Variants in ANO10 observed in about 807,000 individuals in gnomAD.
ANO10 encodes anoctamin-10.
In ANO10, 77 loss-of-function variants were observed where a neutral mutation model predicts 74.7. The ratio of observed to expected loss-of-function variants is 1.03; its 90% CI spans 0.86 to 1.25. The LOEUF is 1.25. ANO10 is among the 50% of genes most tolerant of loss of function. The pLI, the probability that ANO10 is intolerant of heterozygous loss-of-function variation, is 0.00. For synonymous variants in ANO10, 279 were observed against 284.9 expected, an observed-to-expected ratio of 0.98 and a Z score of 0.21; for missense variants, 721 against 778.1, an observed-to-expected ratio of 0.93 and a Z score of 0.87.
intron 12 of ANO10, among the ~76,000 whole-genome samples, chr3:43,399,051 C>A (rs2092433928): frequency 6.6e-6 from 1 of 152,180 alleles, no homozygotes; most frequent in Non-Finnish European, 1.5e-5. Flanking sequence ...TGGTCTCGAA[C>A]TTCTGGGCTC....
intron 4 of ANO10, among the ~76,000 whole-genome samples, chr3:43,581,976 G>A (rs1490843307): frequency 6.6e-6 from 1 of 151,590 alleles, no homozygotes; most frequent in Non-Finnish European, 1.5e-5. Context: ...AAGAAAGGAT[G>A]CTTTGCTGTT....
At chr3:43,391,974 C>T (rs1314975851) in intron 12 of ANO10, among the ~76,000 whole-genome samples, 3 of 152,104 alleles carry the variant, frequency 2.0e-5, no homozygotes, top group African/African-American at 7.2e-5. Context: ...TGATATCTAC[C>T]TAGATCTAAG....
Position 43,441,240 on chromosome 3 carries a change from G to A in ANO10, c.1798-8513C>T, listed in dbSNP as rs545289674. On this transcript the variant is annotated intron_variant, in intron 11 of 12. Transcript: ENST00000292246. ...AACAGCAAAAAAAAAATCAACAAAA[G>A]TAAGAGTTGGTCTTTCGAAAAGATC... Among the ~76,000 whole-genome samples the A allele has an allele frequency of 7.6e-5, 11 of 144,746 alleles. No individual in the cohort carries two copies. The South Asian group carries it at 1.7e-3, about 23-fold the overall frequency. 95.0% of individuals were successfully genotyped at this position (144,746 alleles called of 152,430 possible). A position where few individuals can be genotyped will look rare whatever the true frequency, so the allele number is the denominator to read the frequency against.
intron 11 of ANO10, among the ~76,000 whole-genome samples, chr3:43,546,802 G>T (rs922261085): frequency 6.6e-6 from 1 of 152,202 alleles, no homozygotes; most frequent in Non-Finnish European, 1.5e-5. Flanking sequence ...AGGGACCTGT[G>T]GGAAAATACA....
chr3:43,634,651 A>C (rs1250754344), intron 1 of ANO10, among the ~76,000 whole-genome samples: 11 of 152,164 alleles, frequency 7.2e-5, no homozygotes. Flanking sequence ...TGCCTTTCGG[A>C]ATTCTTGCAT....
rs149521359 is a variant in ANO10 at position 43,616,855 on chromosome 3, C to T, written c.-12+5054G>A. 7.6e-4 allele frequency among the ~76,000 whole-genome samples: 115 copies of T among 152,088 alleles called. 1 individual carries two copies. Among genetic ancestry groups the T allele is most frequent in the African/African-American group, 2.7e-3 (111 of 41,466 alleles). ...TATGGTAATCCCACCTGGGTAGGTC[C>T]ACTCCTCAGGGAATTGCCTGTATAG... is the stretch of plus-strand genomic sequence containing the variant. On this transcript the variant is annotated intron_variant, in intron 1 of 12. Coordinates refer to ENST00000292246, the MANE Select transcript of ANO10 (RefSeq NM_018075.5).
At chr3:43,656,731 G>T (rs569669088) in intron 1 of ANO10, among the ~76,000 whole-genome samples, 1 of 152,216 alleles carries the variant, frequency 6.6e-6, no homozygotes, top group Non-Finnish European at 1.5e-5. Context: ...TGTGGGGCCC[G>T]CCAAGCCCAC....
chr3:43,574,872 A>G lies in ANO10; in HGVS notation c.1163-8T>C. 1 of 1,613,010 alleles carries G rather than the reference A, an allele frequency of 6.2e-7. No homozygotes were observed. Among genetic ancestry groups the G allele is most frequent in the Non-Finnish European group, 8.5e-7 (1 of 1,178,994 alleles). ...ATTCCAATCTGTGATTCTCTAAAACATTAAAACACACAGGTAACTTCTCAG... is the reference window on the plus strand; with the variant it reads ...ATTCCAATCTGTGATTCTCTAAAACGTTAAAACACACAGGTAACTTCTCAG... On this transcript the variant is annotated splice_region_variant and splice_polypyrimidine_tract_variant and intron_variant, in intron 6 of 12. Coordinates refer to ENST00000292246, the MANE Select transcript of ANO10 (RefSeq NM_018075.5).
chr3:43,582,320 C>T (rs1467995351), intron 4 of ANO10, among the ~76,000 whole-genome samples: 1 of 151,860 alleles, frequency 6.6e-6, no homozygotes, highest in Non-Finnish European at 1.5e-5. Flanking sequence ...GGCGTGGTGG[C>T]GGGCGCCTGT....
intron 1 of ANO10, among the ~76,000 whole-genome samples, chr3:43,618,481 C>T (rs2083231388): frequency 6.6e-6 from 1 of 152,196 alleles, no homozygotes; most frequent in Admixed American, 6.5e-5. Flanking sequence ...CAGAAATATA[C>T]TGTGGCATCT....
intron 9 of ANO10, among the ~76,000 whole-genome samples, chr3:43,557,576 A>T (rs1575420747): frequency 6.6e-6 from 1 of 151,854 alleles, no homozygotes; most frequent in African/African-American, 2.4e-5. Flanking sequence ...TCTACTAAAA[A>T]TACAAAAAAT....
intron 11 of ANO10, among the ~76,000 whole-genome samples, chr3:43,449,227 A>T (rs1456414132): frequency 1.3e-5 from 2 of 151,820 alleles, no homozygotes; most frequent in African/African-American, 4.8e-5. Context: ...TATATTTTGG[A>T]TACAAATCCT....
chr3:43,460,111 A>G (rs777088639), intron 11 of ANO10, among the ~76,000 whole-genome samples: 1 of 152,244 alleles, frequency 6.6e-6, no homozygotes, highest in Non-Finnish European at 1.5e-5. Context: ...GGCCATCAGC[A>G]CATAGGAAAA....
chr3:43,409,957 C>CT (rs1297563386), intron 12 of ANO10, among the ~76,000 whole-genome samples: 1 of 152,108 alleles, frequency 6.6e-6, no homozygotes, highest in Non-Finnish European at 1.5e-5. Context: ...AAGACCCAAA[C>CT]TTTAAGAAAA....
At chr3:43,587,104 C>CA (rs926394847) in intron 4 of ANO10, among the ~76,000 whole-genome samples, 1 of 150,766 alleles carries the variant, frequency 6.6e-6, no homozygotes, top group Non-Finnish European at 1.5e-5. Flanking sequence ...TATGTCCAAC[C>CA]AAAAAAAAAT....
intron 1 of ANO10, among the ~76,000 whole-genome samples, chr3:43,671,292 C>T (rs931381624): frequency 5.9e-5 from 9 of 152,144 alleles, no homozygotes; most frequent in African/African-American, 2.2e-4. Flanking sequence ...CATCTCTATT[C>T]TCATGGAATT....
At chr3:43,663,867 C>T (rs2083955371) in intron 1 of ANO10, among the ~76,000 whole-genome samples, 1 of 152,074 alleles carries the variant, frequency 6.6e-6, no homozygotes, top group African/African-American at 2.4e-5. Context: ...AACCACTGCT[C>T]AAGGAAATAA....
At chr3:43,532,689 C>T (rs1227968327) in intron 11 of ANO10, among the ~76,000 whole-genome samples, 1 of 152,214 alleles carries the variant, frequency 6.6e-6, no homozygotes, top group African/African-American at 2.4e-5. Context: ...CCAAAAATCT[C>T]TCAAGCTATA....
At chr3:43,499,571 C>T (rs2077026854) in intron 11 of ANO10, among the ~76,000 whole-genome samples, 1 of 151,868 alleles carries the variant, frequency 6.6e-6, no homozygotes, top group Non-Finnish European at 1.5e-5. Context: ...TGCAGGCAAA[C>T]CACACTTCCC....
Sources: allele counts gnomAD v4.1 joint callset (sites outside exome capture counted in the v4.1 genomes callset), GRCh38; gene constraint gnomAD v4.1.1; transcripts MANE v1.5; gene names NCBI Gene and HGNC (gene_info 2026-07-23, HGNC 2026-07-21).